Variants in HDAC9 observed in about 807,000 individuals in gnomAD.
The protein encoded by HDAC9 is MEF-2 interacting transcription repressor (MITR) protein.
A neutral mutation model predicts 139.4 loss-of-function variants in HDAC9; 41 were observed. The ratio of observed to expected loss-of-function variants is 0.29; its 90% CI spans 0.23 to 0.38. The LOEUF (loss-of-function observed/expected upper bound fraction) is 0.38, where lower values mean the gene tolerates loss of function less well. Among genes scored for constraint, HDAC9 ranks in the 10% least tolerant of loss-of-function variants. The pLI is 1.00. For missense variants in HDAC9, 1,147 were observed against 1,297.0 expected (o/e 0.88, Z 1.78); for synonymous variants, 517 against 476.2 (o/e 1.09, Z -1.12).
chr7:18,823,030 T>C (rs912755495), intron 17 of HDAC9, among the ~76,000 whole-genome samples: 3 of 152,204 alleles, frequency 2.0e-5, no homozygotes, highest in African/African-American at 7.2e-5. Flanking sequence ...TTTATTCTGA[T>C]GGAAATAACC....
intron 17 of HDAC9, among the ~76,000 whole-genome samples, chr7:18,793,705 G>A (rs2129179576): frequency 6.6e-6 from 1 of 152,258 alleles, no homozygotes. Context: ...AGAGCACAGA[G>A]ATAATAAGCA....
chr7:18,417,311 C>T lies in HDAC9; in HGVS notation c.-41-78951C>T, dbSNP rs193275953. Among the ~76,000 whole-genome samples, 22 of 152,232 alleles carry T rather than the reference C, an allele frequency of 1.4e-4. No individual in the cohort carries two copies. The East Asian group carries it at 3.9e-3, about 27-fold the overall frequency. ...TTATATCTTCTGTATTTCCACTTAA[C>T]GTTTTAAACATGTAATTACAGTTTC... On this transcript the variant is annotated intron_variant, in intron 1 of 3. Coordinates refer to the HDAC9 transcript ENST00000413509.
chr7:18,535,722 C>CAAAAAAAAAA (rs72123660), intron 2 of HDAC9, among the ~76,000 whole-genome samples: 1 of 49,232 alleles, frequency 2.0e-5, no homozygotes, highest in Non-Finnish European at 3.5e-5. Flanking sequence ...AGGCATTAAG[C>CAAAAAAAAAA]AAAAAAAAAA....
chr7:18,509,084 C>T (rs1023149841), intron 2 of HDAC9, among the ~76,000 whole-genome samples: 1 of 152,170 alleles, frequency 6.6e-6, no homozygotes, highest in African/African-American at 2.4e-5. Flanking sequence ...GCTATTTTTC[C>T]TCACACATTA....
intron 1 of HDAC9, among the ~76,000 whole-genome samples, chr7:18,391,510 CTG>C (rs1345191101): frequency 6.6e-6 from 1 of 152,188 alleles, no homozygotes; most frequent in Non-Finnish European, 1.5e-5. Flanking sequence ...ACAAAGTGAC[CTG>C]TTTACCTGCA....
chr7:18,617,741 G>A (rs1839050624), intron 6 of HDAC9, among the ~76,000 whole-genome samples: 1 of 152,188 alleles, frequency 6.6e-6, no homozygotes, highest in East Asian at 1.9e-4. Context: ...TGTATCCCCA[G>A]CATCTTCAGA....
intron 1 of HDAC9, among the ~76,000 whole-genome samples, chr7:18,096,512 A>T (rs184707097): frequency 8.4e-4 from 128 of 152,318 alleles, no homozygotes; most frequent in African/African-American, 2.8e-3. Context: ...GGAAAAAAAA[A>T]TATTTCACAT....
chr7:18,706,931 C>G (rs193144741), intron 12 of HDAC9, among the ~76,000 whole-genome samples: 2 of 152,228 alleles, frequency 1.3e-5, no homozygotes, highest in Admixed American at 6.5e-5. Context: ...AAGTGTATGG[C>G]TGAGAGACAG....
intron 2 of HDAC9, among the ~76,000 whole-genome samples, chr7:18,551,456 C>G (rs967119327): frequency 6.6e-6 from 1 of 151,942 alleles, no homozygotes; most frequent in Non-Finnish European, 1.5e-5. Context: ...CCCCGGGGAA[C>G]CAGAGTTAAG....
At chr7:18,977,692 A>G (rs894384380) in intron 25 of HDAC9, among the ~76,000 whole-genome samples, 3 of 152,184 alleles carry the variant, frequency 2.0e-5, no homozygotes, top group African/African-American at 7.2e-5. Context: ...GCAGGAAAGC[A>G]GAGTCAAAGA....
intron 22 of HDAC9, among the ~76,000 whole-genome samples, chr7:18,895,930 C>A (rs1563032974): frequency 6.6e-6 from 1 of 151,998 alleles, no homozygotes; most frequent in Non-Finnish European, 1.5e-5. Context: ...GGAGAGGTAG[C>A]AGTTTCTTAG....
chr7:18,824,044 G>GGAGGAA (rs1554367874), intron 17 of HDAC9, among the ~76,000 whole-genome samples: 91 of 67,184 alleles, frequency 1.4e-3, no homozygotes, highest in Non-Finnish European at 2.3e-3. Context: ...AAGAGGAAGA[G>GGAGGAA]GAAGAAGAAG....
intron 9 of HDAC9, 128 bp from the exon 10 acceptor site, chr7:18,647,657 C>T: frequency 2.9e-6 from 2 of 695,228 alleles, no homozygotes; most frequent in Non-Finnish European, 4.7e-6. Flanking sequence ...TTTCCCTGCT[C>T]AGCCATTGGG....
At chr7:18,587,042 G>T (rs184896731) in intron 3 of HDAC9, among the ~76,000 whole-genome samples, 9 of 152,214 alleles carry the variant, frequency 5.9e-5, no homozygotes, top group Admixed American at 5.2e-4. Context: ...GGACTGTGTA[G>T]TTCATTTTGC....
intron 1 of HDAC9, among the ~76,000 whole-genome samples, chr7:18,139,121 C>CTTTT (rs552350047): frequency 1.0e-4 from 11 of 105,920 alleles, no homozygotes; most frequent in Non-Finnish European, 1.7e-4. Flanking sequence ...ATAATCTGGA[C>CTTTT]TTTTTTTTTT....
chr7:18,967,075 G>A (rs936110376), intron 24 of HDAC9, among the ~76,000 whole-genome samples: 4 of 152,180 alleles, frequency 2.6e-5, no homozygotes, highest in African/African-American at 9.7e-5. Context: ...GGGGGACAGA[G>A]TAAAATCACA....
chr7:18,262,012 C>T (rs897042355), intron 2 of HDAC9, among the ~76,000 whole-genome samples: 8 of 152,196 alleles, frequency 5.3e-5, no homozygotes, highest in African/African-American at 1.9e-4. Context: ...ATCAAATCCC[C>T]TGATGTACAC....
At chr7:18,614,081 G>C (rs1335175179) in intron 6 of HDAC9, among the ~76,000 whole-genome samples, 1 of 151,982 alleles carries the variant, frequency 6.6e-6, no homozygotes, top group Non-Finnish European at 1.5e-5. Flanking sequence ...CTAACCAGTA[G>C]TCGTTTCTGA....
At chr7:18,857,197 T>C (rs1797746640) in intron 21 of HDAC9, among the ~76,000 whole-genome samples, 1 of 151,896 alleles carries the variant, frequency 6.6e-6, no homozygotes, top group African/African-American at 2.4e-5. Flanking sequence ...ATTGCTTCTC[T>C]TTTTTTATTT....
Sources: gnomAD v4.1 joint callset for allele counts (sites outside exome capture counted in the v4.1 genomes callset) on GRCh38, gnomAD v4.1.1 for gene constraint, MANE v1.5 for transcripts, NCBI Gene and HGNC (gene_info 2026-07-23, HGNC 2026-07-21) for gene names.